The following TLK1 variants were observed in gnomAD, a reference collection of about 807,000 sequenced individuals.
TLK1 encodes the protein tousled like kinase 1.
In TLK1, 24 loss-of-function variants were observed where a neutral mutation model predicts 105.3. The observed-to-expected ratio is 0.23, with a 90% CI of 0.17 to 0.32. The LOEUF is 0.32. TLK1 is among the 10% of genes least tolerant of loss of function. The probability of loss-of-function intolerance (pLI) is 1.00; values close to 1 mark genes in which losing one functional copy is unlikely to be tolerated. For synonymous variants in TLK1, 321 were observed against 310.4 expected, an observed-to-expected ratio of 1.03 and a Z score of -0.36; for missense variants, 558 against 910.5, an observed-to-expected ratio of 0.61 and a Z score of 4.98.
In TLK1 at chr2:171,006,840, T is replaced by C. The variant is rs1269812252; in HGVS notation, c.1558A>G (p.Ile520Val). ...GAGAAATAATCATAGAGTTTAACTA[T>C]TCTGGGGTGATCCAGTTCTTTGTGT... is the stretch of plus-strand genomic sequence containing the variant. ...RIHKELDHPR[I>V]VKLYDYFSLD... Residue 520 changes from isoleucine (I) to valine (V), a missense_variant, in exon 16 of 21, where the codon ATA becomes GTA. Transcript: ENST00000431350. 1 of 1,613,198 alleles carries C rather than the reference T, an allele frequency of 6.2e-7. No homozygotes were observed.
intron 1 of TLK1, among the ~76,000 whole-genome samples, chr2:171,121,262 G>A (rs1416115848): frequency 2.0e-5 from 3 of 151,944 alleles, no homozygotes; most frequent in Non-Finnish European, 4.4e-5. Flanking sequence ...TAGATGTCGC[G>A]GCGCCTGCCT....
chr2:171,014,958 A>G lies in TLK1; in HGVS notation c.1237-10T>C. ...GGATTTCTGCCTCTTCCTGAAAATG[A>G]AGAGAGGGGACTATAACAAGCTCAA... On this transcript the variant is annotated splice_polypyrimidine_tract_variant and intron_variant, in intron 12 of 20. Coordinates refer to ENST00000431350, the MANE Select transcript of TLK1 (RefSeq NM_012290.5). The G allele has an allele frequency of 2.5e-6, 4 of 1,597,416 alleles. No homozygotes were observed. The highest frequency in any genetic ancestry group is 3.4e-6 in the Non-Finnish European group (4 of 1,165,216).
At chr2:171,042,597 A>G (rs1247041562) in intron 11 of TLK1, among the ~76,000 whole-genome samples, 1 of 152,106 alleles carries the variant, frequency 6.6e-6, no homozygotes, top group Non-Finnish European at 1.5e-5. Context: ...TACACCAAAC[A>G]CTGTGCTAGG....
At chr2:171,212,260 T>A (rs1338433313) in intron 1 of TLK1, among the ~76,000 whole-genome samples, 1 of 150,204 alleles carries the variant, frequency 6.7e-6, no homozygotes, top group African/African-American at 2.5e-5. Context: ...CATTCCTGGC[T>A]CCCCTGCCCC....
At chr2:171,008,223 T>C (rs1684734742) in intron 14 of TLK1, among the ~76,000 whole-genome samples, 2 of 152,134 alleles carry the variant, frequency 1.3e-5, no homozygotes, top group African/African-American at 4.8e-5. Flanking sequence ...ATTAGCTGAG[T>C]GACTCTGTGC....
chr2:171,082,667 A>G, intron 3 of TLK1, 114 bp downstream of exon 3: 3 of 836,502 alleles, frequency 3.6e-6, no homozygotes, highest in Non-Finnish European at 5.9e-6. Context: ...CCTATAAGAA[A>G]CTTTAAAAGC....
At position 171,148,930 on chromosome 2, in the gene TLK1, T is replaced by C. The variant is rs926084018; in HGVS notation, c.139+11360A>G. 4.8e-5 allele frequency among the ~76,000 whole-genome samples: 7 copies of C among 146,888 alleles called. No individual in the cohort carries two copies. In the Admixed American group the frequency reaches 4.8e-4, roughly 10 times the overall value. ...ATATATATGTGTGTGTGTGTGTGCG[T>C]GTGCGTGTGTGTGTATGTGCGATAT... On this transcript the variant is annotated intron_variant, in intron 1 of 20. Transcript: ENST00000431350.
chr2:171,036,274 G>A (rs1026280673), intron 11 of TLK1, among the ~76,000 whole-genome samples: 1 of 152,076 alleles, frequency 6.6e-6, no homozygotes, highest in African/African-American at 2.4e-5. Context: ...GTGAAACCCT[G>A]TTTCTATTAA....
intron 1 of TLK1, among the ~76,000 whole-genome samples, chr2:171,180,910 G>C (rs1019501315): frequency 6.7e-6 from 1 of 149,648 alleles, no homozygotes; most frequent in Non-Finnish European, 1.5e-5. Context: ...TAGGTCTAAT[G>C]CAAATGTTAA....
intron 3 of TLK1, among the ~76,000 whole-genome samples, chr2:171,065,682 C>T (rs913755642): frequency 3.9e-5 from 6 of 152,042 alleles, no homozygotes; most frequent in Admixed American, 1.3e-4. Flanking sequence ...GGACTACAGG[C>T]GCCCGCCACT....
intron 10 of TLK1, among the ~76,000 whole-genome samples, chr2:171,046,978 A>C (rs1259326187): frequency 1.3e-5 from 2 of 152,222 alleles, no homozygotes; most frequent in Non-Finnish European, 2.9e-5. Flanking sequence ...TGGTGTTTTG[A>C]AATGAGACAA....
At chr2:171,140,401 T>G (rs773254795) in intron 1 of TLK1, among the ~76,000 whole-genome samples, 1 of 151,628 alleles carries the variant, frequency 6.6e-6, no homozygotes, top group Non-Finnish European at 1.5e-5. Context: ...CAGAAGTGAG[T>G]CTGGTATACC....
chr2:171,206,493 A>G (rs1048420685), intron 1 of TLK1, among the ~76,000 whole-genome samples: 2 of 152,206 alleles, frequency 1.3e-5, no homozygotes, highest in African/African-American at 4.8e-5. Flanking sequence ...CCTTGTCTGC[A>G]TGGAGATGAA....
chr2:171,092,435 C>T (rs1202635718), intron 2 of TLK1, among the ~76,000 whole-genome samples: 2 of 152,232 alleles, frequency 1.3e-5, no homozygotes, highest in Non-Finnish European at 2.9e-5. Context: ...ACCACCACTA[C>T]TGGCTCTCTG....
intron 12 of TLK1, 25 bp from the exon 13 acceptor site, chr2:171,014,973 A>G (rs746797214): frequency 5.3e-6 from 8 of 1,520,054 alleles, no homozygotes; most frequent in Non-Finnish European, 7.3e-6. Context: ...AGGGGACTAT[A>G]ACAAGCTCAA....
intron 1 of TLK1, among the ~76,000 whole-genome samples, chr2:171,158,690 T>C (rs1692329952): frequency 6.6e-6 from 1 of 152,228 alleles, no homozygotes; most frequent in Admixed American, 6.5e-5. Context: ...TTAAACATCT[T>C]AATGAAACTA....
intron 1 of TLK1, among the ~76,000 whole-genome samples, chr2:171,144,012 T>C (rs776731421): frequency 1.3e-5 from 2 of 152,070 alleles, no homozygotes; most frequent in Non-Finnish European, 1.5e-5. Flanking sequence ...GGAAAAAACA[T>C]ACCATGCAAA....
chr2:171,205,591 T>TG (rs1693489747), intron 1 of TLK1, among the ~76,000 whole-genome samples: 1 of 151,800 alleles, frequency 6.6e-6, no homozygotes, highest in African/African-American at 2.4e-5. Flanking sequence ...CCCAAAGTGT[T>TG]GGGATTACAG....
At chr2:171,070,503 C>T (rs1049395310) in intron 3 of TLK1, among the ~76,000 whole-genome samples, 4 of 152,126 alleles carry the variant, frequency 2.6e-5, no homozygotes, top group Admixed American at 1.3e-4. Context: ...TTTTAGCTCC[C>T]ACAAATAAGT....
Sources: gnomAD v4.1 joint callset for allele counts (sites outside exome capture counted in the v4.1 genomes callset) on GRCh38, gnomAD v4.1.1 for gene constraint, MANE v1.5 for transcripts, NCBI Gene and HGNC (gene_info 2026-07-23, HGNC 2026-07-21) for gene names.